The following PARD3 variants were observed in gnomAD, a reference collection of about 807,000 sequenced individuals.
PARD3 encodes the protein partitioning defective 3 homolog.
In PARD3, 75 loss-of-function variants were observed where a neutral mutation model predicts 155.4. The observed-to-expected ratio is 0.48, with a 90% CI of 0.40 to 0.58. PARD3 has a LOEUF of 0.58. Ranked by LOEUF, PARD3 falls within the 20% of genes least tolerant of loss-of-function variation. The probability of loss-of-function intolerance (pLI) is 0.00; values close to 1 mark genes in which losing one functional copy is unlikely to be tolerated. For synonymous variants in PARD3, 576 were observed against 610.5 expected, an observed-to-expected ratio of 0.94 and a Z score of 0.83; for missense variants, 1,642 against 1,721.7, an observed-to-expected ratio of 0.95 and a Z score of 0.82.
At chr10:34,685,741 G>A (rs2093946170) in intron 2 of PARD3, among the ~76,000 whole-genome samples, 1 of 151,974 alleles carries the variant, frequency 6.6e-6, no homozygotes, top group Non-Finnish European at 1.5e-5. Flanking sequence ...CGACAGGCGC[G>A]CATGACCAAA....
At chr10:34,493,378 G>C (rs1478953705) in intron 3 of PARD3, among the ~76,000 whole-genome samples, 1 of 152,132 alleles carries the variant, frequency 6.6e-6, no homozygotes, top group East Asian at 1.9e-4. Context: ...CATTGCATGA[G>C]AGAGAATTAT....
intron 2 of PARD3, among the ~76,000 whole-genome samples, chr10:34,613,306 T>C (rs932278317): frequency 6.6e-6 from 1 of 152,210 alleles, no homozygotes; most frequent in Non-Finnish European, 1.5e-5. Context: ...TCTTTTTGAT[T>C]CAGCTTTTAG....
chr10:34,200,324 C>T (rs1588727137), intron 22 of PARD3, among the ~76,000 whole-genome samples: 1 of 151,664 alleles, frequency 6.6e-6, no homozygotes, highest in African/African-American at 2.4e-5. Context: ...TAAGCAATAA[C>T]AGGAAAAAAA....
rs913577534 is a variant in PARD3 at position 34,312,378 on chromosome 10, C to T, written c.3065+4729G>A. ...CATCTCTTCTCGGGCTTCAGTTTGGCAAGGCTAAATGAGAGACACGGTACA... is the reference window on the plus strand; with the variant it reads ...CATCTCTTCTCGGGCTTCAGTTTGGTAAGGCTAAATGAGAGACACGGTACA... On this transcript the variant is annotated intron_variant, in intron 20 of 24. Transcript: ENST00000374788. 14 of 1,612,614 alleles carry T rather than the reference C, an allele frequency of 8.7e-6. No individual in the cohort carries two copies. In the East Asian group the frequency reaches 3.1e-4, roughly 36 times the overall value.
intron 1 of PARD3, among the ~76,000 whole-genome samples, chr10:34,749,935 T>C (rs1047980526): frequency 7.9e-5 from 12 of 151,596 alleles, no homozygotes; most frequent in African/African-American, 2.9e-4. Context: ...GGTGGGAGGA[T>C]CCCTTGAGCC....
At chr10:34,640,929 A>G (rs1646267425) in intron 2 of PARD3, among the ~76,000 whole-genome samples, 1 of 152,044 alleles carries the variant, frequency 6.6e-6, no homozygotes, top group Non-Finnish European at 1.5e-5. Context: ...ACATGTAATA[A>G]TTTTCATCAA....
At chr10:34,242,747 A>G (rs1208888077) in intron 22 of PARD3, among the ~76,000 whole-genome samples, 1 of 152,152 alleles carries the variant, frequency 6.6e-6, no homozygotes, top group East Asian at 1.9e-4. Flanking sequence ...CAGCCTGACC[A>G]ACATGGTGAA....
chr10:34,258,227 C>A (rs773941157), intron 22 of PARD3, among the ~76,000 whole-genome samples: 6 of 152,072 alleles, frequency 3.9e-5, no homozygotes, highest in Non-Finnish European at 7.4e-5. Flanking sequence ...GTTTCAGGTA[C>A]AAAACTCCAG....
intron 2 of PARD3, among the ~76,000 whole-genome samples, chr10:34,684,883 A>ACACACG (rs1342856313): frequency 7.4e-6 from 1 of 134,722 alleles, no homozygotes; most frequent in Non-Finnish European, 1.5e-5. Context: ...ACACATACAC[A>ACACACG]CACACACACA....
At chr10:34,737,756 G>A (rs532536923) in intron 1 of PARD3, among the ~76,000 whole-genome samples, 2 of 152,100 alleles carry the variant, frequency 1.3e-5, no homozygotes, top group Admixed American at 6.5e-5. Context: ...AGAGCCGTGA[G>A]AAATAAATCT....
intron 22 of PARD3, among the ~76,000 whole-genome samples, chr10:34,148,717 T>G (rs1948639429): frequency 6.6e-6 from 1 of 152,204 alleles, no homozygotes; most frequent in Admixed American, 6.5e-5. Context: ...TTTGCAACAT[T>G]GTTTCCAAGT....
At chr10:34,225,490 C>G (rs2786548) in intron 22 of PARD3, among the ~76,000 whole-genome samples, 28,923 of 151,882 alleles carry the variant, frequency 0.19, 3,526 homozygotes, top group Non-Finnish European at 0.25. Flanking sequence ...GGACTACAGG[C>G]ACACGCCACC....
chr10:34,631,933 T>C (rs2092289839), intron 2 of PARD3, among the ~76,000 whole-genome samples: 1 of 152,292 alleles, frequency 6.6e-6, no homozygotes, highest in South Asian at 2.1e-4. Context: ...TTTTGGGTTT[T>C]TTAAGTGACA....
chr10:34,693,901 C>T (rs1216008324), intron 2 of PARD3, among the ~76,000 whole-genome samples: 3 of 151,898 alleles, frequency 2.0e-5, no homozygotes, highest in Admixed American at 6.6e-5. Context: ...TATATGCTAA[C>T]CTCAAAACAA....
At chr10:34,658,449 C>T (rs1277896091) in intron 2 of PARD3, among the ~76,000 whole-genome samples, 4 of 152,088 alleles carry the variant, frequency 2.6e-5, no homozygotes, top group East Asian at 3.9e-4. Flanking sequence ...TGAGGAAATT[C>T]GGTTATGAGA....
At position 34,789,271 on chromosome 10, in the gene PARD3, G is replaced by T. The variant is rs566156438; in HGVS notation, c.120+25605C>A. On this transcript the variant is annotated intron_variant, in intron 1 of 24. Coordinates refer to ENST00000374788, the MANE Select transcript of PARD3 (RefSeq NM_001184785.2). ...GAATTGTGCCGCAGCACTCCAGCCT[G>T]GGCGACAGAGACTTTGTCTCAAAAA... Among the ~76,000 whole-genome samples the T allele has an allele frequency of 2.0e-5, 3 of 152,142 alleles. No homozygotes were observed. The South Asian group carries it at 6.2e-4, about 32-fold the overall frequency.
At chr10:34,152,683 T>C (rs951655771) in intron 22 of PARD3, among the ~76,000 whole-genome samples, 1 of 152,218 alleles carries the variant, frequency 6.6e-6, no homozygotes, top group Admixed American at 6.5e-5. Flanking sequence ...TCAAAAGGAT[T>C]ATTCAATCAT....
At chr10:34,334,001 AT>A (rs1298310775) in intron 18 of PARD3, among the ~76,000 whole-genome samples, 1 of 151,962 alleles carries the variant, frequency 6.6e-6, no homozygotes, top group Admixed American at 6.6e-5. Context: ...AGTAATGAAA[AT>A]TGAAAAAGTC....
intron 3 of PARD3, among the ~76,000 whole-genome samples, chr10:34,489,714 T>C (rs373425442): frequency 2.0e-5 from 3 of 152,218 alleles, no homozygotes; most frequent in East Asian, 3.9e-4. Context: ...AATGTAAAAG[T>C]AAACATGCCT....
Sources: allele counts gnomAD v4.1 joint callset (sites outside exome capture counted in the v4.1 genomes callset), GRCh38; gene constraint gnomAD v4.1.1; transcripts MANE v1.5; gene names NCBI Gene and HGNC (gene_info 2026-07-23, HGNC 2026-07-21).